The following RBFOX3 variants were observed in gnomAD, a reference collection of about 807,000 sequenced individuals.
RBFOX3 encodes the protein RNA binding protein fox-1 homolog 3.
A neutral mutation model predicts 48.7 loss-of-function variants in RBFOX3; 17 were observed. The observed-to-expected ratio is 0.35, with a 90% CI of 0.24 to 0.52. RBFOX3 has a LOEUF of 0.52. Ranked by LOEUF, RBFOX3 falls within the 20% of genes least tolerant of loss-of-function variation. The pLI is 0.94. For synonymous variants in RBFOX3, 212 were observed against 209.5 expected, an observed-to-expected ratio of 1.01 and a Z score of -0.10; for missense variants, 382 against 497.5, an observed-to-expected ratio of 0.77 and a Z score of 2.21.
Position 79,531,471 on chromosome 17 carries a change from G to A in RBFOX3, c.-319-48873C>T, listed in dbSNP as rs947603059. 2.0e-5 allele frequency among the ~76,000 whole-genome samples: 3 copies of A among 152,212 alleles called. No individual in the cohort carries two copies. In the South Asian group the frequency reaches 6.2e-4, roughly 32 times the overall value. ...GACAAGCACCCTGTAAATTTAGAAC[G>A]CGTGATGGCTGGCTGCTTTTGGTAT... On this transcript the variant is annotated intron_variant, in intron 1 of 14. Coordinates refer to ENST00000693108, the MANE Select transcript of RBFOX3 (RefSeq NM_001350451.2).
intron 2 of RBFOX3, among the ~76,000 whole-genome samples, chr17:79,395,535 T>C (rs1239319803): frequency 6.6e-6 from 1 of 152,170 alleles, no homozygotes. Context: ...AGCCAAGAGC[T>C]CTGGGCTGTG....
chr17:79,629,536 T>C, the RBFOX3 span, among the ~76,000 whole-genome samples: 1 of 152,228 alleles, frequency 6.6e-6, no homozygotes, highest in Non-Finnish European at 1.5e-5. Context: ...ATTCGCTTGC[T>C]GGTGGGATTC....
In RBFOX3 at chr17:79,314,376, G is replaced by A. The variant is rs148844841; in HGVS notation, c.-174-6552C>T. Among the ~76,000 whole-genome samples the A allele has an allele frequency of 5.3e-5, 8 of 151,960 alleles. No individual in the cohort carries two copies. In the East Asian group the frequency reaches 1.6e-3, roughly 30 times the overall value. On this transcript the variant is annotated intron_variant, in intron 2 of 14. Transcript: ENST00000693108. Reference sequence around the variant, plus strand: ...TCTCGTGGGCACAGTGAGAACGATCGGCCTCAGCATCAGTGATGCTGGGAG... The same window carrying A: ...TCTCGTGGGCACAGTGAGAACGATCAGCCTCAGCATCAGTGATGCTGGGAG...
intron 2 of RBFOX3, among the ~76,000 whole-genome samples, chr17:79,374,734 ATAACT>A (rs1023279392): frequency 6.6e-5 from 10 of 152,356 alleles, no homozygotes; most frequent in South Asian, 4.1e-4. Context: ...ATCAAAACAG[ATAACT>A]TAAGGAAAGT....
chr17:79,342,896 A>C (rs146925047), intron 2 of RBFOX3, among the ~76,000 whole-genome samples: 1 of 152,238 alleles, frequency 6.6e-6, no homozygotes, highest in Non-Finnish European at 1.5e-5. Flanking sequence ...TAAAATGTGG[A>C]TTACTTTACA....
chr17:79,153,618 C>T (rs562197242), intron 4 of RBFOX3, among the ~76,000 whole-genome samples: 3 of 152,324 alleles, frequency 2.0e-5, no homozygotes, highest in Non-Finnish European at 4.4e-5. Flanking sequence ...TCCCAGATTT[C>T]CCATCCGGCT....
At chr17:79,387,018 A>G (rs575141344) in intron 2 of RBFOX3, among the ~76,000 whole-genome samples, 2 of 152,306 alleles carry the variant, frequency 1.3e-5, no homozygotes, top group South Asian at 2.1e-4. Context: ...TATTTTTTAC[A>G]TGATTTTCCC....
chr17:79,138,826 C>G (rs62636111), intron 4 of RBFOX3, among the ~76,000 whole-genome samples: 1 of 128,602 alleles, frequency 7.8e-6, no homozygotes, highest in Admixed American at 7.9e-5. Flanking sequence ...CACACCCCCT[C>G]ACCCACACAC....
intron 4 of RBFOX3, among the ~76,000 whole-genome samples, chr17:79,153,689 G>T (rs1032952460): frequency 6.6e-6 from 1 of 152,200 alleles, no homozygotes; most frequent in Non-Finnish European, 1.5e-5. Context: ...CACAGGAAAA[G>T]AAACCAGGAA....
At chr17:79,544,975 CAAAA>C (rs10584963) in intron 1 of RBFOX3, among the ~76,000 whole-genome samples, 73 of 81,622 alleles carry the variant, frequency 8.9e-4, no homozygotes, top group African/African-American at 1.4e-3. Flanking sequence ...TCATTAAGGG[CAAAA>C]AAAAAAAAAA....
At chr17:79,181,375 T>C (rs1044512234) in intron 4 of RBFOX3, among the ~76,000 whole-genome samples, 1 of 152,132 alleles carries the variant, frequency 6.6e-6, no homozygotes, top group Non-Finnish European at 1.5e-5. Flanking sequence ...GATTCCCAAG[T>C]CAGTCCTATG....
intron 1 of RBFOX3, among the ~76,000 whole-genome samples, chr17:79,525,412 T>C (rs2086664537): frequency 6.6e-6 from 1 of 152,164 alleles, no homozygotes; most frequent in Non-Finnish European, 1.5e-5. Context: ...TTGTACTCAT[T>C]ACATGGAGTC....
intron 4 of RBFOX3, among the ~76,000 whole-genome samples, chr17:79,168,073 G>A (rs1330243952): frequency 1.3e-5 from 2 of 152,206 alleles, no homozygotes; most frequent in African/African-American, 2.4e-5. Context: ...CTTTATTTAC[G>A]GGGTCCTGAA....
intron 4 of RBFOX3, among the ~76,000 whole-genome samples, chr17:79,133,433 T>TG (rs972559658): frequency 2.0e-5 from 3 of 152,198 alleles, no homozygotes; most frequent in African/African-American, 7.2e-5. Flanking sequence ...TAGCCATCTC[T>TG]GGGACACCAT....
chr17:79,275,407 G>C (rs1456779101), intron 3 of RBFOX3, among the ~76,000 whole-genome samples: 1 of 152,092 alleles, frequency 6.6e-6, no homozygotes, highest in Non-Finnish European at 1.5e-5. Flanking sequence ...TCTGTTCTCT[G>C]CTGAGCACTC....
intron 2 of RBFOX3, among the ~76,000 whole-genome samples, chr17:79,319,138 G>A (rs571788034): frequency 5.9e-5 from 9 of 152,260 alleles, no homozygotes; most frequent in African/African-American, 2.2e-4. Context: ...CTGGAAAAGC[G>A]GATTTCATTA....
chr17:79,431,839 A>G (rs1002537138), intron 2 of RBFOX3, among the ~76,000 whole-genome samples: 7 of 152,242 alleles, frequency 4.6e-5, no homozygotes, highest in Non-Finnish European at 1.5e-5. Context: ...TCTTGAGTGT[A>G]CAGTCAGTGG....
chr17:79,107,753 T>C (rs1382288688), intron 5 of RBFOX3, among the ~76,000 whole-genome samples: 4 of 152,230 alleles, frequency 2.6e-5, no homozygotes, highest in Admixed American at 1.3e-4. Flanking sequence ...GCCAGTTCCA[T>C]GGATGCAGCC....
At chr17:79,330,700 A>G (rs4789886) in intron 2 of RBFOX3, among the ~76,000 whole-genome samples, 112,038 of 151,972 alleles carry the variant, frequency 0.74, 42,936 homozygotes, top group Non-Finnish European at 0.86. Flanking sequence ...GGGCTTGGGG[A>G]TCATGAAGTC....
Sources: gnomAD v4.1 joint callset for allele counts (sites outside exome capture counted in the v4.1 genomes callset) on GRCh38, gnomAD v4.1.1 for gene constraint, MANE v1.5 for transcripts, NCBI Gene and HGNC (gene_info 2026-07-23, HGNC 2026-07-21) for gene names.